Variants in SAMD5 observed in about 807,000 individuals in gnomAD.
SAMD5 encodes sterile alpha motif domain-containing protein 5.
A neutral mutation model predicts 11.3 loss-of-function variants in SAMD5; 13 were observed. The ratio of observed to expected loss-of-function variants is 1.15; its 90% CI spans 0.75 to 1.83. The LOEUF is 1.83. Among genes scored for constraint, SAMD5 ranks in the 40% most tolerant of loss-of-function variants. SAMD5 has a pLI of 0.00. For missense variants in SAMD5, 255 were observed against 239.1 expected, an observed-to-expected ratio of 1.07 and a Z score of -0.44; for synonymous variants, 129 against 111.3, an observed-to-expected ratio of 1.16 and a Z score of -1.00.
chr6:147,690,218 G>A (rs1044408429), intron 1 of SAMD5, among the ~76,000 whole-genome samples: 1 of 152,126 alleles, frequency 6.6e-6, no homozygotes, highest in East Asian at 1.9e-4. Flanking sequence ...ATACAAACCA[G>A]TAACTATATT....
At chr6:147,668,443 C>T (rs754146277) in intron 1 of SAMD5, among the ~76,000 whole-genome samples, 4 of 152,086 alleles carry the variant, frequency 2.6e-5, no homozygotes, top group Non-Finnish European at 5.9e-5. Context: ...AATGTACATA[C>T]GCAGGTGTAA....
At chr6:147,850,947 C>CTTTT in the SAMD5 span, among the ~76,000 whole-genome samples, 1,112 of 133,438 alleles carry the variant, frequency 8.3e-3, 25 homozygotes, top group African/African-American at 0.029. Context: ...TATAATTGTT[C>CTTTT]TTTTTTTTTT....
At chr6:147,588,754 G>T (rs898526751) in intron 1 of SAMD5, among the ~76,000 whole-genome samples, 8 of 151,986 alleles carry the variant, frequency 5.3e-5, no homozygotes, top group African/African-American at 1.9e-4. Context: ...CGTTATACCA[G>T]GCTTACTTAT....
chr6:147,678,451 C>T (rs554069789), intron 1 of SAMD5, among the ~76,000 whole-genome samples: 1 of 152,284 alleles, frequency 6.6e-6, no homozygotes, highest in Non-Finnish European at 1.5e-5. Flanking sequence ...TTCAGCTTGG[C>T]AGATTAACTG....
intron 1 of SAMD5, among the ~76,000 whole-genome samples, chr6:147,619,142 T>C (rs1789919551): frequency 6.6e-6 from 1 of 152,234 alleles, no homozygotes; most frequent in Non-Finnish European, 1.5e-5. Flanking sequence ...CTCACCCCTG[T>C]ATGTTTTTAT....
the SAMD5 span, among the ~76,000 whole-genome samples, chr6:147,770,590 AC>A: frequency 2.0e-5 from 3 of 152,184 alleles, no homozygotes; most frequent in African/African-American, 7.2e-5. Flanking sequence ...AATACAACTA[AC>A]TGAGTACTTT....
chr6:147,909,635 T>C, the SAMD5 span, among the ~76,000 whole-genome samples: 217 of 108,086 alleles, frequency 2.0e-3, 7 homozygotes, highest in South Asian at 4.1e-3. Flanking sequence ...TTTCTTTCTC[T>C]TTCTTGTCTT....
chr6:147,886,428 AGAG>A, the SAMD5 span, among the ~76,000 whole-genome samples: 2 of 152,242 alleles, frequency 1.3e-5, no homozygotes, highest in East Asian at 3.9e-4. Context: ...GCTATGAAGA[AGAG>A]GAGAGAGAAA....
chr6:147,739,807 A>G (rs1006568630), downstream of SAMD5, among the ~76,000 whole-genome samples: 1 of 151,886 alleles, frequency 6.6e-6, no homozygotes, highest in Non-Finnish European at 1.5e-5. Flanking sequence ...TTTTATTTGT[A>G]TTTTCTTATT....
chr6:147,543,373 G>A (rs1788636404), intron 1 of SAMD5, among the ~76,000 whole-genome samples: 1 of 152,186 alleles, frequency 6.6e-6, no homozygotes. Context: ...TAATGAGAGT[G>A]AGGGCAGAAT....
chr6:147,850,235 G>A, the SAMD5 span, among the ~76,000 whole-genome samples: 17 of 152,110 alleles, frequency 1.1e-4, no homozygotes, highest in East Asian at 2.5e-3. Flanking sequence ...TACTTATTGC[G>A]TTAATTAAAT....
At chr6:147,894,451 A>G in the SAMD5 span, among the ~76,000 whole-genome samples, 2 of 152,050 alleles carry the variant, frequency 1.3e-5, no homozygotes, top group Non-Finnish European at 2.9e-5. Context: ...CTGACTCTGT[A>G]GGTCACCCAG....
At chr6:147,639,498 C>T (rs920387203) in intron 1 of SAMD5, among the ~76,000 whole-genome samples, 1 of 152,164 alleles carries the variant, frequency 6.6e-6, no homozygotes, top group African/African-American at 2.4e-5. Flanking sequence ...CTGGGGTCCC[C>T]GAGGAGCTAT....
chr6:147,706,507 C>T (rs112086621), intron 1 of SAMD5, among the ~76,000 whole-genome samples: 8,667 of 152,218 alleles, frequency 0.057, 550 homozygotes, highest in African/African-American at 0.15. Flanking sequence ...GGACTACAGG[C>T]GTGAGCCACC....
chr6:147,523,361 A>G (rs889774381), intron 1 of SAMD5, among the ~76,000 whole-genome samples: 1 of 152,192 alleles, frequency 6.6e-6, no homozygotes, highest in African/African-American at 2.4e-5. Context: ...ATTTTTTAAA[A>G]AGGTCATTGA....
the SAMD5 span, among the ~76,000 whole-genome samples, chr6:147,794,465 A>G: frequency 6.6e-6 from 1 of 152,172 alleles, no homozygotes; most frequent in African/African-American, 2.4e-5. Context: ...GCATCATATA[A>G]AAAGACTTCC....
the SAMD5 span, among the ~76,000 whole-genome samples, chr6:147,938,254 A>AT: frequency 0.1 from 15,381 of 151,860 alleles, 1,058 homozygotes; most frequent in South Asian, 0.29. Flanking sequence ...GGAGGGAAAC[A>AT]TTTTTTTTGT....
chr6:147,563,140 A>G (rs1456896478), intron 1 of SAMD5, among the ~76,000 whole-genome samples: 2 of 151,620 alleles, frequency 1.3e-5, no homozygotes, highest in Non-Finnish European at 2.9e-5. Context: ...CTGGATAGTA[A>G]TACTTACCAT....
chr6:147,803,408 A>G, the SAMD5 span, among the ~76,000 whole-genome samples: 1 of 152,096 alleles, frequency 6.6e-6, no homozygotes, highest in East Asian at 1.9e-4. Context: ...TCTCCTACAC[A>G]ATGTTCCTGC....
Sources: allele counts gnomAD v4.1 joint callset (sites outside exome capture counted in the v4.1 genomes callset), GRCh38; gene constraint gnomAD v4.1.1; transcripts MANE v1.5; gene names NCBI Gene and HGNC (gene_info 2026-07-23, HGNC 2026-07-21).